The following SEM1 variants were observed in gnomAD, a reference collection of about 807,000 sequenced individuals.
SEM1 encodes SEM1 26S proteasome subunit, also known as 26S proteasome complex subunit SEM1.
In SEM1, 3 loss-of-function variants were observed where a neutral mutation model predicts 12.7. The observed-to-expected ratio is 0.24, with a 90% CI of 0.11 to 0.61. SEM1 has a LOEUF of 0.61. SEM1 is among the 20% of genes least tolerant of loss of function. The pLI, the probability that SEM1 is intolerant of heterozygous loss-of-function variation, is 0.88. For missense variants in SEM1, 59 were observed against 81.3 expected, an observed-to-expected ratio of 0.73 and a Z score of 1.06; for synonymous variants, 30 against 27.8, an observed-to-expected ratio of 1.08 and a Z score of -0.25.
chr7:96,668,594 G>C (rs1271859726), downstream of SEM1, among the ~76,000 whole-genome samples: 2 of 152,148 alleles, frequency 1.3e-5, no homozygotes, highest in Non-Finnish European at 2.9e-5. Context: ...GTGGTGTAGT[G>C]TAAAGATTAT....
chr7:96,702,835 G>C (rs1267370054), intron 1 of SEM1, among the ~76,000 whole-genome samples: 1 of 152,262 alleles, frequency 6.6e-6, no homozygotes, highest in East Asian at 1.9e-4. Context: ...CATTAGAACA[G>C]AGCACCAGGA....
chr7:96,632,196 A>G (rs1808283624), intron 2 of SEM1, among the ~76,000 whole-genome samples: 1 of 152,214 alleles, frequency 6.6e-6, no homozygotes, highest in African/African-American at 2.4e-5. Flanking sequence ...CAGCAATCCC[A>G]TTACTGGGTA....
intron 3 of SEM1, among the ~76,000 whole-genome samples, chr7:96,504,108 A>G (rs1443728479): frequency 6.6e-6 from 1 of 152,174 alleles, no homozygotes; most frequent in African/African-American, 2.4e-5. Context: ...ATATGCGCAT[A>G]TGGAGAATAT....
At chr7:96,655,353 T>C (rs969607612) in intron 2 of SEM1, among the ~76,000 whole-genome samples, 1 of 152,220 alleles carries the variant, frequency 6.6e-6, no homozygotes, top group African/African-American at 2.4e-5. Context: ...TATTTCCACT[T>C]ACATTGATCA....
At chr7:96,648,033 A>C (rs1311135374) in intron 2 of SEM1, among the ~76,000 whole-genome samples, 1 of 152,192 alleles carries the variant, frequency 6.6e-6, no homozygotes, top group Non-Finnish European at 1.5e-5. Context: ...TCTTAAGTGT[A>C]ATGTTGGAAT....
At chr7:96,583,718 A>G (rs1806501000) in intron 2 of SEM1, among the ~76,000 whole-genome samples, 1 of 150,670 alleles carries the variant, frequency 6.6e-6, no homozygotes, top group South Asian at 2.2e-4. Context: ...TCCCTTTACC[A>G]TTATGTAATG....
intron 2 of SEM1, among the ~76,000 whole-genome samples, chr7:96,626,217 G>A (rs950110372): frequency 2.6e-5 from 4 of 151,702 alleles, no homozygotes; most frequent in East Asian, 1.9e-4. Context: ...TACTCTATAC[G>A]TCCATAAGTG....
intron 2 of SEM1, among the ~76,000 whole-genome samples, chr7:96,521,782 CGACT>C (rs1180438707): frequency 6.6e-6 from 1 of 152,036 alleles, no homozygotes; most frequent in African/African-American, 2.4e-5. Context: ...GTCCCTGGGC[CGACT>C]AAGTTTTTCC....
chr7:96,615,241 C>CTTTTTTTTTTTTT lies in SEM1; in HGVS notation c.170+79544_170+79556dup, dbSNP rs60940244. On this transcript the variant is annotated intron_variant and NMD_transcript_variant, in intron 2 of 3. Coordinates refer to the SEM1 transcript ENST00000466986. ...ACTGTTGGGTTATTTTTTGAGTCATCTTTTTTTTTTTTTTTTTTTTTTTTG... is the reference window on the plus strand; with the variant it reads ...ACTGTTGGGTTATTTTTTGAGTCATCTTTTTTTTTTTTTTTTTTTTTTTTTTTTTTTTTTTTTG... Among the ~76,000 whole-genome samples, 67 of 126,436 alleles carry CTTTTTTTTTTTTT rather than the reference C, an allele frequency of 5.3e-4. 3 individuals carry two copies. Among genetic ancestry groups the CTTTTTTTTTTTTT allele is most frequent in the African/African-American group, 2.0e-3 (63 of 31,532 alleles). 82.9% of individuals were successfully genotyped at this position (126,436 alleles called of 152,430 possible). A position where few individuals can be genotyped will look rare whatever the true frequency, so the allele number is the denominator to read the frequency against.
At chr7:96,617,995 G>A (rs1462024342), downstream of SEM1, among the ~76,000 whole-genome samples, 1 of 152,060 alleles carries the variant, frequency 6.6e-6, no homozygotes, top group African/African-American at 2.4e-5. Flanking sequence ...TTTCTTTTTT[G>A]TTGTATCTTT....
chr7:96,522,256 T>A (rs1294284032), intron 2 of SEM1, among the ~76,000 whole-genome samples: 1 of 152,126 alleles, frequency 6.6e-6, no homozygotes, highest in African/African-American at 2.4e-5. Flanking sequence ...GCGTAACTGA[T>A]CCATTCCGGG....
At chr7:96,535,788 T>G (rs547131990) in intron 2 of SEM1, among the ~76,000 whole-genome samples, 1 of 152,000 alleles carries the variant, frequency 6.6e-6, no homozygotes, top group Non-Finnish European at 1.5e-5. Flanking sequence ...AAGGACATGA[T>G]TTTTTACTTT....
intron 1 of SEM1, among the ~76,000 whole-genome samples, chr7:96,703,466 T>C (rs10233528): frequency 0.17 from 26,149 of 152,130 alleles, 2,270 homozygotes; most frequent in South Asian, 0.21. Flanking sequence ...AAAATAAAAA[T>C]TATATTATAA....
intron 2 of SEM1, among the ~76,000 whole-genome samples, chr7:96,607,788 A>T (rs1026417896): frequency 6.6e-6 from 1 of 151,956 alleles, no homozygotes; most frequent in African/African-American, 2.4e-5. Flanking sequence ...TTCCAATGGG[A>T]TTTTTACTTT....
chr7:96,520,179 G>A (rs1804227240), intron 2 of SEM1, among the ~76,000 whole-genome samples: 1 of 152,020 alleles, frequency 6.6e-6, no homozygotes, highest in Non-Finnish European at 1.5e-5. Flanking sequence ...GTATGCCAAG[G>A]GTCACTCATC....
intron 2 of SEM1, among the ~76,000 whole-genome samples, chr7:96,559,720 T>G (rs1805633942): frequency 6.6e-6 from 1 of 152,250 alleles, no homozygotes; most frequent in Non-Finnish European, 1.5e-5. Context: ...TCTTGTTATC[T>G]TCTTCCTGGG....
chr7:96,659,528 A>G (rs1483662805), intron 2 of SEM1, among the ~76,000 whole-genome samples: 2 of 152,230 alleles, frequency 1.3e-5, no homozygotes, highest in Non-Finnish European at 2.9e-5. Flanking sequence ...GAGACACAAG[A>G]GGAAAAGTGA....
At chr7:96,553,475 T>C (rs1211145521) in intron 2 of SEM1, among the ~76,000 whole-genome samples, 1 of 150,480 alleles carries the variant, frequency 6.6e-6, no homozygotes, top group East Asian at 1.9e-4. Flanking sequence ...TGCTTGTTTT[T>C]CTCAGGTTTG....
intron 2 of SEM1, among the ~76,000 whole-genome samples, chr7:96,597,676 G>GATATATAT (rs55710405): frequency 3.7e-4 from 55 of 147,142 alleles, no homozygotes; most frequent in Non-Finnish European, 6.3e-4. Context: ...TAGTATATAT[G>GATATATAT]ATATATATAT....
Sources: allele counts gnomAD v4.1 joint callset (sites outside exome capture counted in the v4.1 genomes callset), GRCh38; gene constraint gnomAD v4.1.1; transcripts MANE v1.5; gene names NCBI Gene and HGNC (gene_info 2026-07-23, HGNC 2026-07-21).